Variants in SLC22A23 observed in about 807,000 individuals in gnomAD.
SLC22A23 encodes solute carrier family 22 member 23.
In SLC22A23, 26 loss-of-function variants were observed where a neutral mutation model predicts 61.0. The observed-to-expected ratio is 0.43, with a 90% CI of 0.31 to 0.59. The LOEUF (loss-of-function observed/expected upper bound fraction) is 0.59. Among genes scored for constraint, SLC22A23 ranks in the 20% least tolerant of loss-of-function variants. The probability of loss-of-function intolerance (pLI) is 0.11; values close to 1 mark genes in which losing one functional copy is unlikely to be tolerated. For missense variants in SLC22A23, 796 were observed against 934.7 expected (o/e 0.85, Z 1.94); for synonymous variants, 430 against 413.9 (o/e 1.04, Z -0.47).
chr6:3,361,457 A>T (rs1241372533), intron 3 of SLC22A23, among the ~76,000 whole-genome samples: 3 of 152,136 alleles, frequency 2.0e-5, no homozygotes, highest in African/African-American at 7.2e-5. Flanking sequence ...TGTCACAGAG[A>T]GAGGGGTCCA....
intron 8 of SLC22A23, 68 bp from the exon 9 acceptor site, chr6:3,284,043 G>A: frequency 6.7e-7 from 1 of 1,498,672 alleles, no homozygotes; most frequent in Non-Finnish European, 9.1e-7. Context: ...AGGGAGGCCT[G>A]GGGCTGCACA....
intron 3 of SLC22A23, among the ~76,000 whole-genome samples, chr6:3,378,957 C>T (rs1453696129): frequency 6.6e-6 from 1 of 152,170 alleles, no homozygotes; most frequent in Non-Finnish European, 1.5e-5. Context: ...CCGCGCCTGG[C>T]CTCAGTGTCA....
rs1758624416 is a variant in SLC22A23, at chr6:3,273,520, T to C, written c.1704-108A>G. 5.7e-6 allele frequency: 7 copies of C among 1,230,004 alleles called. No individual in the cohort carries two copies. The South Asian group carries it at 9.4e-5, about 17-fold the overall frequency. 76.2% of individuals were successfully genotyped at this position (1,230,004 alleles called of 1,614,324 possible). ...CACCTCTGCAGGGGCCCTGCTGCCC[T>C]GGGCACTGCCCAGTATACCCCGACC... On this transcript the variant is annotated intron_variant, in intron 9 of 9. Transcript: ENST00000406686.
At chr6:3,424,281 A>C (rs1770334910) in intron 1 of SLC22A23, among the ~76,000 whole-genome samples, 1 of 151,666 alleles carries the variant, frequency 6.6e-6, no homozygotes, top group Admixed American at 6.6e-5. Context: ...CTCCCACAAC[A>C]CCCTCATTCT....
intron 1 of SLC22A23, 99 bp downstream of exon 1, chr6:3,455,807 G>C (rs1174897464): frequency 2.9e-6 from 4 of 1,381,776 alleles, no homozygotes; most frequent in Admixed American, 2.8e-5. Context: ...ACACACTCTA[G>C]CACCACCACT....
intron 1 of SLC22A23, among the ~76,000 whole-genome samples, chr6:3,438,303 G>A (rs140943140): frequency 1.0e-3 from 156 of 152,320 alleles, no homozygotes; most frequent in African/African-American, 3.5e-3. Context: ...AGGGGGCCCC[G>A]GCCAGCAGTC....
chr6:3,343,757 A>T (rs1339949867), intron 3 of SLC22A23, among the ~76,000 whole-genome samples: 1 of 152,198 alleles, frequency 6.6e-6, no homozygotes, highest in East Asian at 1.9e-4. Context: ...GGCTGTATTT[A>T]AGAGAAGAGC....
chr6:3,293,762 CT>C (rs1269520678), intron 5 of SLC22A23, among the ~76,000 whole-genome samples: 1 of 152,196 alleles, frequency 6.6e-6, no homozygotes, highest in African/African-American at 2.4e-5. Context: ...TGGAGGTGGC[CT>C]GACATATCCA....
chr6:3,439,794 G>C (rs1024927362), intron 1 of SLC22A23, among the ~76,000 whole-genome samples: 11 of 152,132 alleles, frequency 7.2e-5, no homozygotes, highest in African/African-American at 2.2e-4. Flanking sequence ...GTGGGAAACG[G>C]GAAGGGAGGA....
chr6:3,270,323 T>C lies in SLC22A23; in HGVS notation c.*2732A>G, dbSNP rs1127475. The C allele has an allele frequency of 0.09, 13,710 of 152,504 alleles. 719 individuals are homozygous for C. Among genetic ancestry groups the C allele is most frequent in the Middle Eastern group, 0.17 (51 of 298 alleles). The allele number at this position is 152,504 out of a possible 1,614,324, so 9.4% of individuals were successfully genotyped here. A position where few individuals can be genotyped will look rare whatever the true frequency, so the allele number is the denominator to read the frequency against. On this transcript the variant is annotated 3_prime_UTR_variant, in exon 10 of 10. Transcript: ENST00000406686. ...GGGCAGCCGTAGCAGCCTCCCCTGC[T>C]GAGCCCGGCGGGCCCAGATGCGTAT...
chr6:3,348,114 C>G (rs993206662), intron 3 of SLC22A23, among the ~76,000 whole-genome samples: 3 of 152,196 alleles, frequency 2.0e-5, no homozygotes, highest in Non-Finnish European at 2.9e-5. Context: ...CTGTGTGTCT[C>G]CTGCTCTGGA....
chr6:3,353,353 G>C (rs1686718807), intron 3 of SLC22A23, among the ~76,000 whole-genome samples: 1 of 152,218 alleles, frequency 6.6e-6, no homozygotes, highest in African/African-American at 2.4e-5. Context: ...GGTGCTGCCT[G>C]ATTCTCCCAG....
rs143897332 is a variant in SLC22A23 at position 3,322,247 on chromosome 6, C to T, written c.1082+1587G>A. ...ATTGCAAAGTGCTTGTCGTCTGTGCCTGGTACAGTGGGAAGCACAGAGAAG... is the reference window on the plus strand; with the variant it reads ...ATTGCAAAGTGCTTGTCGTCTGTGCTTGGTACAGTGGGAAGCACAGAGAAG... On this transcript the variant is annotated intron_variant, in intron 4 of 9. Coordinates refer to ENST00000406686, the MANE Select transcript of SLC22A23 (RefSeq NM_015482.2). The surrounding 1 kb of genome is among the most constrained non-coding windows in gnomAD (Gnocchi z 4.1). Among the ~76,000 whole-genome samples, 13 of 152,280 alleles carry T rather than the reference C, an allele frequency of 8.5e-5. No individual in the cohort carries two copies. Among genetic ancestry groups the T allele is most frequent in the African/African-American group, 3.1e-4 (13 of 41,542 alleles).
chr6:3,389,932 C>T (rs1437533365), intron 3 of SLC22A23, among the ~76,000 whole-genome samples: 1 of 152,230 alleles, frequency 6.6e-6, no homozygotes, highest in East Asian at 1.9e-4. Context: ...TTTTGGCTAA[C>T]TTCGCAAAGC....
intron 3 of SLC22A23, among the ~76,000 whole-genome samples, chr6:3,384,369 A>T (rs888400976): frequency 6.6e-6 from 1 of 152,262 alleles, no homozygotes; most frequent in African/African-American, 2.4e-5. Context: ...CTTTAAAAGT[A>T]TAGATAAGTA....
intron 1 of SLC22A23, among the ~76,000 whole-genome samples, chr6:3,418,015 C>T (rs914275267): frequency 1.3e-5 from 2 of 152,236 alleles, no homozygotes; most frequent in African/African-American, 4.8e-5. Flanking sequence ...CAGGTTTTGC[C>T]TTAAAACGTG....
intron 9 of SLC22A23, among the ~76,000 whole-genome samples, chr6:3,280,397 C>G (rs1452010351): frequency 6.6e-6 from 1 of 152,144 alleles, no homozygotes; most frequent in African/African-American, 2.4e-5. Flanking sequence ...GCTCATCGCT[C>G]GCACGCCACA....
rs986125445 is a variant in SLC22A23, at chr6:3,270,769, T to A, written c.*2286A>T. ...AGATCAGAGATCATGACCAGAAGAG[T>A]GTGAGTGCTGTCCCTTGCCACCAAC... On this transcript the variant is annotated 3_prime_UTR_variant, in exon 10 of 10. Transcript: ENST00000406686. The A allele has an allele frequency of 6.6e-6, 1 of 151,558 alleles. No individual in the cohort carries two copies. The highest frequency in any genetic ancestry group is 1.5e-5 in the Non-Finnish European group (1 of 67,898). The allele number at this position is 151,558 out of a possible 1,614,324, so 9.4% of individuals were successfully genotyped here. A position where few individuals can be genotyped will look rare whatever the true frequency, so the allele number is the denominator to read the frequency against.
chr6:3,404,087 T>G (rs1336973417), intron 3 of SLC22A23, among the ~76,000 whole-genome samples: 1 of 152,202 alleles, frequency 6.6e-6, no homozygotes, highest in Non-Finnish European at 1.5e-5. Context: ...AAAAACCTAG[T>G]CCGTAAGGTT....
Sources: allele counts gnomAD v4.1 joint callset (sites outside exome capture counted in the v4.1 genomes callset), GRCh38; gene constraint gnomAD v4.1.1; non-coding constraint Gnocchi (gnomAD v3.1); transcripts MANE v1.5; gene names NCBI Gene and HGNC (gene_info 2026-07-23, HGNC 2026-07-21).